The following AGXT variants were observed in gnomAD, a reference collection of about 807,000 sequenced individuals.
The protein encoded by AGXT is L-alanine: glyoxylate aminotransferase 1.
Under a neutral mutation model 46.9 loss-of-function variants are expected in AGXT, and 41 were observed. The observed-to-expected ratio is 0.88, with a 90% CI of 0.68 to 1.14. The LOEUF (loss-of-function observed/expected upper bound fraction) is 1.14. AGXT is among the 50% of genes most tolerant of loss of function. AGXT has a pLI of 0.00. For missense variants in AGXT, 525 were observed against 522.7 expected, an observed-to-expected ratio of 1.00 and a Z score of -0.04; for synonymous variants, 244 against 227.9, an observed-to-expected ratio of 1.07 and a Z score of -0.64.
intron 4 of AGXT, 138 bp downstream of exon 4, chr2:240,871,587 C>G: frequency 1.3e-6 from 1 of 792,780 alleles, no homozygotes; most frequent in South Asian, 1.6e-5. Context: ...GTGCAGGCAC[C>G]TCCCAGGTCC....
intron 7 of AGXT, among the ~76,000 whole-genome samples, chr2:240,875,670 C>T (rs773868027): frequency 3.9e-5 from 6 of 152,268 alleles, no homozygotes; most frequent in Non-Finnish European, 5.9e-5. Flanking sequence ...GACTGAGGGG[C>T]TCCGCAGGGA....
chr2:240,868,838 T>C lies in AGXT; in HGVS notation c.-28T>C. ...TGGCCAAGGCCAGTGCAGCCCCAGG[T>C]TCCCGAGCGGCAGGTTGGGTGCGGA... On this transcript the variant is annotated 5_prime_UTR_variant, in exon 1 of 11. Coordinates refer to ENST00000307503, the MANE Select transcript of AGXT (RefSeq NM_000030.3). The C allele has an allele frequency of 1.9e-6, 3 of 1,602,358 alleles. No individual in the cohort carries two copies. Among genetic ancestry groups the C allele is most frequent in the Non-Finnish European group, 2.6e-6 (3 of 1,174,654 alleles).
intron 8 of AGXT, 113 bp from the exon 9 acceptor site, chr2:240,877,424 G>A (rs935583247): frequency 3.3e-5 from 35 of 1,048,496 alleles, no homozygotes; most frequent in East Asian, 2.3e-4. Context: ...GGCTCCAGGG[G>A]CTCCCCTGCA....
intron 8 of AGXT, 146 bp from the exon 9 acceptor site, chr2:240,877,390 TG>T: frequency 1.3e-6 from 1 of 769,170 alleles, no homozygotes; most frequent in Non-Finnish European, 2.2e-6. Context: ...TCCCAGGCCC[TG>T]CCCCAGGCAA....
chr2:240,869,060 G>A, intron 1 of AGXT, 30 bp downstream of exon 1: 1 of 1,610,810 alleles, frequency 6.2e-7, no homozygotes, highest in Non-Finnish European at 8.5e-7. Context: ...GGGGGGCCTG[G>A]GTCTCACCCA....
intron 6 of AGXT, among the ~76,000 whole-genome samples, chr2:240,874,407 C>A (rs111465259): frequency 0.018 from 2,796 of 152,342 alleles, 41 homozygotes; most frequent in Non-Finnish European, 0.031. Flanking sequence ...CCCCAAGGGA[C>A]AACGTGGGCC....
chr2:240,875,308 C>A (rs539601511), intron 7 of AGXT, 104 bp downstream of exon 7: 117 of 1,009,774 alleles, frequency 1.2e-4, no homozygotes, highest in Middle Eastern at 1.0e-3. Flanking sequence ...CCCCCACCTT[C>A]ATGCCTCAAG....
At position 240,878,906 on chromosome 2, in the gene AGXT, G is replaced by T. The variant is rs1374129639; in HGVS notation, c.*85G>T. On this transcript the variant is annotated 3_prime_UTR_variant, in exon 11 of 11. Coordinates refer to ENST00000307503, the MANE Select transcript of AGXT (RefSeq NM_000030.3). ...ATCAGGAGCAAACAGACCCTGCAAGGTCCTCCAGGCCTGGGGACAGGAAAG... is the reference window on the plus strand; with the variant it reads ...ATCAGGAGCAAACAGACCCTGCAAGTTCCTCCAGGCCTGGGGACAGGAAAG... The T allele has an allele frequency of 4.7e-5, 65 of 1,368,810 alleles. No individual in the cohort carries two copies. The highest frequency in any genetic ancestry group is 6.1e-5 in the Non-Finnish European group (60 of 991,300). 84.8% of individuals were successfully genotyped at this position (1,368,810 alleles called of 1,614,324 possible). A position where few individuals can be genotyped will look rare whatever the true frequency, so the allele number is the denominator to read the frequency against.
chr2:240,878,826 C>A lies in AGXT; in HGVS notation c.*5C>A, dbSNP rs2059042367. 6.3e-7 allele frequency: 1 copy of A among 1,581,482 alleles called. No individual in the cohort carries two copies. Among genetic ancestry groups the A allele is most frequent in the Non-Finnish European group, 8.6e-7 (1 of 1,166,390 alleles). On this transcript the variant is annotated 3_prime_UTR_variant, in exon 11 of 11. Transcript: ENST00000307503. ...TGCCCCAAGAAGAAGCTGTGACCTG[C>A]CCACTGGCACACAGCTGGCACTGGC...
chr2:240,872,880 C>A lies in AGXT; in HGVS notation c.525-99C>A, dbSNP rs1376180172. ...GGTGGGAGGTGCCCTGCCTTCCTTGCCAGCCTGAGGCTCAGAAACCCCATC... is the reference window on the plus strand; with the variant it reads ...GGTGGGAGGTGCCCTGCCTTCCTTGACAGCCTGAGGCTCAGAAACCCCATC... On this transcript the variant is annotated intron_variant, in intron 4 of 10. Coordinates refer to ENST00000307503, the MANE Select transcript of AGXT (RefSeq NM_000030.3). 8 of 1,099,068 alleles carry A rather than the reference C, an allele frequency of 7.3e-6. No individual in the cohort carries two copies. The African/African-American group carries it at 9.2e-5, about 13-fold the overall frequency. The allele number at this position is 1,099,068 out of a possible 1,614,324, so 68.1% of individuals were successfully genotyped here.
In AGXT at chr2:240,879,072, A is replaced by G. The variant is rs1218460631; in HGVS notation, c.*251A>G. ...CCAAATGAGCTGCAGTCCCCAGGCC[A>G]TGAGCCTCCCGGGAATGTTTAATAA... On this transcript the variant is annotated 3_prime_UTR_variant, in exon 11 of 11. Transcript: ENST00000307503. The G allele has an allele frequency of 5.1e-6, 3 of 586,414 alleles. No individual in the cohort carries two copies. Among genetic ancestry groups the G allele is most frequent in the African/African-American group, 1.9e-5 (1 of 53,534 alleles). The allele number at this position is 586,414 out of a possible 1,614,324, so 36.3% of individuals were successfully genotyped here.
In AGXT at chr2:240,875,838, G is replaced by A. The variant is rs1269854172; in HGVS notation, c.777-97G>A. On this transcript the variant is annotated intron_variant, in intron 7 of 10. Coordinates refer to ENST00000307503, the MANE Select transcript of AGXT (RefSeq NM_000030.3). The stretch of plus-strand genomic sequence containing the variant: ...CGGAGGATACCGGCCTGTGGTCAGA[G>A]AGCCTGTGCTGTTGGGGCTGGGGCA... The A allele has an allele frequency of 3.0e-6, 4 of 1,335,404 alleles. No individual in the cohort carries two copies. The African/African-American group carries it at 4.4e-5, about 15-fold the overall frequency. The allele number at this position is 1,335,404 out of a possible 1,614,324, so 82.7% of individuals were successfully genotyped here. A position where few individuals can be genotyped will look rare whatever the true frequency, so the allele number is the denominator to read the frequency against.
chr2:240,876,285 G>A (rs1041622924), intron 8 of AGXT, among the ~76,000 whole-genome samples: 1 of 152,194 alleles, frequency 6.6e-6, no homozygotes, highest in Non-Finnish European at 1.5e-5. Context: ...CCCAGTGAGT[G>A]GGTGGGCTGG....
In AGXT at chr2:240,873,027, C is replaced by G. The variant is rs146483092; in HGVS notation, c.573C>G (p.Thr191=). The G allele has an allele frequency of 6.2e-7, 1 of 1,613,778 alleles. No homozygotes were observed. The highest frequency in any genetic ancestry group is 8.5e-7 in the Non-Finnish European group (1 of 1,179,930). ...LVDSVASLGG[T]PLYMDRQGID... Reference sequence around the variant, plus strand: ...ATTCGGTGGCATCCCTGGGCGGGACCCCCCTTTACATGGACCGGCAAGGTA... The same window carrying G: ...ATTCGGTGGCATCCCTGGGCGGGACGCCCCTTTACATGGACCGGCAAGGTA... Residue 191 remains threonine, a synonymous_variant, in exon 5 of 11, where the codon ACC becomes ACG. Coordinates refer to ENST00000307503, the MANE Select transcript of AGXT (RefSeq NM_000030.3).
rs369396210 is a variant in AGXT, at chr2:240,877,563, C to T, written c.873C>T (p.His291=). 1.3e-5 allele frequency: 20 copies of T among 1,550,240 alleles called. No individual in the cohort carries two copies. The highest frequency in any genetic ancestry group is 1.7e-5 in the Non-Finnish European group (19 of 1,146,634). ...EQGLENSWRQ[H]REAAAYLHGR... is the part of the protein sequence containing the mutation. ...GCCTGGAGAACAGCTGGCGCCAGCA[C>T]CGCGAGGCCGCGGCGTATCTGCATG... The change falls in exon 9 of 11, where the codon CAC becomes CAT. Residue 291 remains histidine (H), a synonymous_variant. Coordinates refer to ENST00000307503, the MANE Select transcript of AGXT (RefSeq NM_000030.3).
At chr2:240,874,488 C>A (rs1442268320) in intron 6 of AGXT, among the ~76,000 whole-genome samples, 1 of 152,238 alleles carries the variant, frequency 6.6e-6, no homozygotes, top group Non-Finnish European at 1.5e-5. Context: ...CCAGGCCGGG[C>A]AGGGGGTAGG....
chr2:240,870,528 C>T (rs1449212318), intron 2 of AGXT, 116 bp from the exon 3 acceptor site: 5 of 1,243,144 alleles, frequency 4.0e-6, no homozygotes, highest in African/African-American at 3.0e-5. Flanking sequence ...AGCCAGGGTG[C>T]CACGGTGGGT....
chr2:240,871,664 G>A (rs1012738802), intron 4 of AGXT, among the ~76,000 whole-genome samples: 10 of 152,268 alleles, frequency 6.6e-5, no homozygotes, highest in South Asian at 4.2e-4. Context: ...CTCCCTGGCC[G>A]AGCGCCCCCA....
intron 2 of AGXT, 33 bp from the exon 3 acceptor site, chr2:240,870,611 G>C (rs1348876777): frequency 6.5e-7 from 1 of 1,549,446 alleles, no homozygotes; most frequent in South Asian, 1.2e-5. Context: ...AGTGTGTGCG[G>C]GACACTCACG....
Sources: allele counts gnomAD v4.1 joint callset (sites outside exome capture counted in the v4.1 genomes callset), GRCh38; gene constraint gnomAD v4.1.1; transcripts MANE v1.5; gene names NCBI Gene and HGNC (gene_info 2026-07-23, HGNC 2026-07-21).